Variants in NPAS3 observed in about 807,000 individuals in gnomAD.
The protein encoded by NPAS3 is neuronal PAS domain-containing protein 3.
NPAS3 carries 14 observed loss-of-function variants against 73.1 expected under a neutral mutation model. The ratio of observed to expected loss-of-function variants is 0.19; its 90% CI spans 0.13 to 0.30. NPAS3 has a LOEUF of 0.30. Ranked by LOEUF, NPAS3 falls within the 10% of genes least tolerant of loss-of-function variation. NPAS3 has a pLI of 1.00. For missense variants in NPAS3, 1,096 were observed against 1,250.0 expected, an observed-to-expected ratio of 0.88 and a Z score of 1.86; for synonymous variants, 620 against 541.5, an observed-to-expected ratio of 1.14 and a Z score of -2.01.
At chr14:33,148,564 T>G (rs933451424) in intron 2 of NPAS3, among the ~76,000 whole-genome samples, 20 of 152,176 alleles carry the variant, frequency 1.3e-4, no homozygotes, top group African/African-American at 4.6e-4. Flanking sequence ...ATGACAATAT[T>G]TTGGACAGAT....
chr14:33,686,917 T>G (rs555794752), intron 6 of NPAS3, among the ~76,000 whole-genome samples: 21 of 152,332 alleles, frequency 1.4e-4, no homozygotes, highest in Admixed American at 2.0e-4. Flanking sequence ...CTCATTTATT[T>G]TTATAAAAAT....
In NPAS3 at chr14:33,788,057, A is replaced by T. The variant is rs140526575; in HGVS notation, c.1154-5840A>T. Among the ~76,000 whole-genome samples the T allele has an allele frequency of 7.9e-4, 120 of 152,332 alleles. 2 individuals carry two copies. Among genetic ancestry groups the T allele is most frequent in the African/African-American group, 2.8e-3 (117 of 41,564 alleles). ...TTAGGTGGAGAAGCAGAGATTAAAG[A>T]GTCAGTATTCTTTTTCATGTTTCAT... On this transcript the variant is annotated intron_variant, in intron 9 of 11. Transcript: ENST00000356141.
At chr14:33,300,757 C>T (rs2042496974) in intron 3 of NPAS3, among the ~76,000 whole-genome samples, 1 of 152,082 alleles carries the variant, frequency 6.6e-6, no homozygotes, top group Non-Finnish European at 1.5e-5. Flanking sequence ...GAGAGAGCAC[C>T]TCCCAGGATC....
At chr14:33,287,720 G>A (rs1327702374) in intron 3 of NPAS3, among the ~76,000 whole-genome samples, 1 of 152,086 alleles carries the variant, frequency 6.6e-6, no homozygotes, top group Admixed American at 6.5e-5. Context: ...TTTGGAGAAG[G>A]GGTTAGAATT....
chr14:32,980,266 A>G (rs2037843570), intron 1 of NPAS3, among the ~76,000 whole-genome samples: 1 of 152,174 alleles, frequency 6.6e-6, no homozygotes, highest in South Asian at 2.1e-4. Flanking sequence ...TTTTCTGTCT[A>G]GTGAAAAGAG....
At chr14:33,393,467 G>A (rs1050661707) in intron 4 of NPAS3, among the ~76,000 whole-genome samples, 8 of 152,080 alleles carry the variant, frequency 5.3e-5, no homozygotes, top group Non-Finnish European at 7.4e-5. Context: ...TCTTAGGTCC[G>A]GAGCCTCCTG....
chr14:33,202,397 T>G (rs2046651234), intron 2 of NPAS3, among the ~76,000 whole-genome samples: 1 of 151,932 alleles, frequency 6.6e-6, no homozygotes, highest in African/African-American at 2.4e-5. Flanking sequence ...AGTAAGACCC[T>G]GTCTTAAAAA....
At position 33,424,927 on chromosome 14, in the gene NPAS3, CTA is replaced by C. The variant is rs1312252502; in HGVS notation, c.468+57661_468+57662del. On this transcript the variant is annotated intron_variant, in intron 4 of 11. Coordinates refer to ENST00000356141, the Ensembl canonical transcript of NPAS3. ...TCAGAGTCTGGGTAAGGTTGAAGGA[CTA>C]TGTGTAAAAACAGAACAGGTCTGAT... is the stretch of plus-strand genomic sequence containing the variant. 3.3e-5 allele frequency among the ~76,000 whole-genome samples: 5 copies of C among 151,968 alleles called. No individual in the cohort carries two copies. The East Asian group carries it at 9.7e-4, about 30-fold the overall frequency.
intron 3 of NPAS3, among the ~76,000 whole-genome samples, chr14:33,325,324 A>C (rs948387280): frequency 1.3e-5 from 2 of 152,138 alleles, no homozygotes; most frequent in African/African-American, 4.8e-5. Flanking sequence ...CAAACAATCC[A>C]ACTACACTCT....
chr14:33,118,060 A>T (rs1054408077), intron 2 of NPAS3, among the ~76,000 whole-genome samples: 2 of 152,082 alleles, frequency 1.3e-5, no homozygotes, highest in Non-Finnish European at 2.9e-5. Flanking sequence ...TTTGGGGAGC[A>T]TATTTCCAGT....
At chr14:33,602,825 T>C (rs908100146) in intron 5 of NPAS3, among the ~76,000 whole-genome samples, 1 of 152,172 alleles carries the variant, frequency 6.6e-6, no homozygotes, top group African/African-American at 2.4e-5. Flanking sequence ...TAATTAGCCC[T>C]GGTCTGAGCG....
intron 4 of NPAS3, among the ~76,000 whole-genome samples, chr14:33,544,820 A>ATATATATGTGTATATATATATT (rs11377851): frequency 1.0e-5 from 1 of 98,550 alleles, no homozygotes; most frequent in African/African-American, 5.4e-5. Context: ...ATGTATATAT[A>ATATATATGTGTATATATATATT]ATATATATGT....
chr14:32,934,939 A>C (rs1346413889), upstream of NPAS3: 8 of 1,198,088 alleles, frequency 6.7e-6, no homozygotes, highest in Middle Eastern at 2.4e-4. The surrounding 1 kb of genome is among the most constrained non-coding windows in gnomAD (Gnocchi z 4.1). Flanking sequence ...GGGCATGGGG[A>C]GGGCCGGCGC....
At chr14:33,357,915 A>G (rs535747195) in intron 3 of NPAS3, among the ~76,000 whole-genome samples, 100 of 152,310 alleles carry the variant, frequency 6.6e-4, no homozygotes, top group Non-Finnish European at 3.1e-4. Flanking sequence ...TAATTTGTCT[A>G]AGACCACCCA....
intron 2 of NPAS3, among the ~76,000 whole-genome samples, chr14:33,156,632 G>T (rs1421022188): frequency 6.6e-6 from 1 of 152,080 alleles, no homozygotes; most frequent in Non-Finnish European, 1.5e-5. Context: ...ATAGATTTCA[G>T]CTCTCACTAA....
intron 3 of NPAS3, among the ~76,000 whole-genome samples, chr14:33,316,454 G>A (rs1030290656): frequency 2.0e-5 from 3 of 151,968 alleles, no homozygotes; most frequent in African/African-American, 7.2e-5. Flanking sequence ...AGAGACACAG[G>A]CCCTGCAGAT....
chr14:33,067,814 C>T (rs2041331769), intron 2 of NPAS3, among the ~76,000 whole-genome samples: 1 of 152,196 alleles, frequency 6.6e-6, no homozygotes, highest in African/African-American at 2.4e-5. Flanking sequence ...TTGGGGTCTT[C>T]CCCAGAAAGA....
chr14:33,121,584 G>A (rs908872173), intron 2 of NPAS3, among the ~76,000 whole-genome samples: 3 of 152,156 alleles, frequency 2.0e-5, no homozygotes, highest in African/African-American at 7.2e-5. Flanking sequence ...CACCTTTTTA[G>A]CAATCAGAAC....
intron 3 of NPAS3, among the ~76,000 whole-genome samples, chr14:33,349,088 A>G (rs2140339049): frequency 6.6e-6 from 1 of 152,320 alleles, no homozygotes; most frequent in Non-Finnish European, 1.5e-5. Context: ...CGGAGGTCAG[A>G]AGCATGTTTC....
Sources: allele counts gnomAD v4.1 joint callset (sites outside exome capture counted in the v4.1 genomes callset), GRCh38; gene constraint gnomAD v4.1.1; non-coding constraint Gnocchi (gnomAD v3.1); transcripts MANE v1.5; gene names NCBI Gene and HGNC (gene_info 2026-07-23, HGNC 2026-07-21).